The following GLRA1 variants were observed in gnomAD, a reference collection of about 807,000 sequenced individuals.
The protein encoded by GLRA1 is glycine receptor subunit alpha-1.
Under a neutral mutation model 48.3 loss-of-function variants are expected in GLRA1, and 37 were observed. The observed-to-expected ratio is 0.77, with a 90% CI of 0.59 to 1.01. The LOEUF (loss-of-function observed/expected upper bound fraction) is 1.01, where lower values mean the gene tolerates loss of function less well. Ranked by LOEUF, GLRA1 falls within the 50% of genes least tolerant of loss-of-function variation. GLRA1 has a pLI of 0.00. For synonymous variants in GLRA1, 196 were observed against 210.7 expected, an observed-to-expected ratio of 0.93 and a Z score of 0.60; for missense variants, 427 against 571.0, an observed-to-expected ratio of 0.75 and a Z score of 2.57.
chr5:151,895,399 A>C (rs1425017664), intron 1 of GLRA1, among the ~76,000 whole-genome samples: 1 of 152,208 alleles, frequency 6.6e-6, no homozygotes, highest in Non-Finnish European at 1.5e-5. Context: ...AGAATAGTGC[A>C]AAAGAGTGAA....
chr5:151,831,113 G>A (rs1331141717), intron 7 of GLRA1, among the ~76,000 whole-genome samples: 4 of 152,200 alleles, frequency 2.6e-5, no homozygotes, highest in African/African-American at 7.2e-5. Context: ...GGTGCACTCC[G>A]GCCCCAGATA....
chr5:151,836,206 A>G (rs796420786), intron 7 of GLRA1, among the ~76,000 whole-genome samples: 6 of 152,354 alleles, frequency 3.9e-5, no homozygotes, highest in African/African-American at 1.4e-4. Context: ...CCCATTCACA[A>G]CTGCTGCAAA....
chr5:151,880,528 A>G (rs956186647), intron 3 of GLRA1, among the ~76,000 whole-genome samples: 1 of 152,246 alleles, frequency 6.6e-6, no homozygotes, highest in Non-Finnish European at 1.5e-5. Flanking sequence ...TTGGCAAGAG[A>G]GGCTGGAACA....
chr5:151,850,653 G>A, intron 7 of GLRA1: 1 of 1,385,392 alleles, frequency 7.2e-7, no homozygotes, highest in Non-Finnish European at 1.0e-6. Context: ...CACATTCCCT[G>A]GACTGTTGGC....
intron 1 of GLRA1, among the ~76,000 whole-genome samples, chr5:151,900,363 T>G (rs1754333654): frequency 6.6e-6 from 1 of 152,234 alleles, no homozygotes; most frequent in Non-Finnish European, 1.5e-5. Flanking sequence ...TGATCAAATC[T>G]ATTTGCCCGA....
intron 3 of GLRA1, among the ~76,000 whole-genome samples, chr5:151,869,740 A>G (rs1267822640): frequency 1.3e-5 from 2 of 149,612 alleles, no homozygotes; most frequent in Non-Finnish European, 2.9e-5. Context: ...AAACAAAAAC[A>G]AAACAACAAC....
chr5:151,873,344 T>C (rs374276950), intron 3 of GLRA1, among the ~76,000 whole-genome samples: 3 of 149,318 alleles, frequency 2.0e-5, no homozygotes, highest in South Asian at 2.1e-4. Context: ...TTTAAGAAAT[T>C]TGTTTATTAA....
chr5:151,844,392 C>T (rs1343723410), intron 7 of GLRA1, among the ~76,000 whole-genome samples: 1 of 152,026 alleles, frequency 6.6e-6, no homozygotes, highest in Non-Finnish European at 1.5e-5. Flanking sequence ...GAGGCTGAGG[C>T]AGGCAGATTG....
At chr5:151,866,796 T>A (rs892369822) in intron 3 of GLRA1, among the ~76,000 whole-genome samples, 1 of 151,948 alleles carries the variant, frequency 6.6e-6, no homozygotes, top group African/African-American at 2.4e-5. Flanking sequence ...AAATTGAAAG[T>A]GAGAGGGTCA....
At chr5:151,846,277 G>A (rs1173011852) in intron 7 of GLRA1, among the ~76,000 whole-genome samples, 1 of 152,164 alleles carries the variant, frequency 6.6e-6, no homozygotes, top group Non-Finnish European at 1.5e-5. Flanking sequence ...AACATATGGA[G>A]CCAAATATTT....
chr5:151,828,434 GA>G (rs1340715420), intron 8 of GLRA1, among the ~76,000 whole-genome samples: 1 of 152,184 alleles, frequency 6.6e-6, no homozygotes, highest in African/African-American at 2.4e-5. Flanking sequence ...TATGGAGAGA[GA>G]ACCCACTCTG....
intron 6 of GLRA1, among the ~76,000 whole-genome samples, chr5:151,852,856 A>G (rs1314843814): frequency 6.6e-6 from 1 of 152,206 alleles, no homozygotes; most frequent in East Asian, 1.9e-4. Context: ...CTGGACCATG[A>G]TATATTTCTC....
chr5:151,833,602 T>A (rs1303249481), intron 7 of GLRA1, among the ~76,000 whole-genome samples: 1 of 152,124 alleles, frequency 6.6e-6, no homozygotes, highest in East Asian at 1.9e-4. Flanking sequence ...TAGCTGGGAT[T>A]ACAGGCATGC....
At chr5:151,851,122 A>G (rs888355654) in intron 7 of GLRA1, among the ~76,000 whole-genome samples, 22 of 152,208 alleles carry the variant, frequency 1.4e-4, no homozygotes, top group African/African-American at 5.3e-4. Context: ...TTAATAGTAA[A>G]TGAAGCAGAA....
chr5:151,866,623 A>G (rs938767339), intron 3 of GLRA1, among the ~76,000 whole-genome samples: 1 of 152,158 alleles, frequency 6.6e-6, no homozygotes, highest in Non-Finnish European at 1.5e-5. Context: ...CCAGCTCCCA[A>G]GGGGATATCT....
chr5:151,902,972 G>A (rs947943552), intron 1 of GLRA1, among the ~76,000 whole-genome samples: 1 of 152,122 alleles, frequency 6.6e-6, no homozygotes, highest in Non-Finnish European at 1.5e-5. Flanking sequence ...ACTAGTAGAG[G>A]AAAACTTATG....
intron 1 of GLRA1, among the ~76,000 whole-genome samples, chr5:151,912,907 G>A (rs1754652287): frequency 6.6e-6 from 1 of 152,182 alleles, no homozygotes; most frequent in South Asian, 2.1e-4. Context: ...CAACAGGAAA[G>A]CTAGAGGGAC....
In GLRA1 at chr5:151,892,403, G is replaced by A. The variant is rs200171902; in HGVS notation, c.92C>T (p.Ser31Phe). The A allele has an allele frequency of 4.3e-6, 7 of 1,614,098 alleles. No homozygotes were observed. In the Admixed American group the frequency reaches 5.0e-5, roughly 12 times the overall value. Residue 31 changes from serine (S) to phenylalanine (F), a missense_variant, in exon 2 of 9, where the codon TCC becomes TTC. Physicochemically the swap from Ser to Phe is radical, Grantham distance 155. Coordinates refer to ENST00000274576, the MANE Select transcript of GLRA1 (RefSeq NM_000171.4). ...CGAGGGTGACATAGGCTTGGGTGCGGAGCGAGCAGCTTCAGCCTCCTTAGA... is the reference window on the plus strand; with the variant it reads ...CGAGGGTGACATAGGCTTGGGTGCGAAGCGAGCAGCTTCAGCCTCCTTAGA... Reference protein sequence around the residue: ...AASKEAEAARSAPKPMSPSDF... With the variant: ...AASKEAEAARFAPKPMSPSDF...
At chr5:151,892,250 G>C in intron 2 of GLRA1, 61 bp downstream of exon 2, 2 of 1,525,884 alleles carry the variant, frequency 1.3e-6, no homozygotes, top group South Asian at 2.2e-5. Context: ...TTACCATGCT[G>C]CTTGCTGCTT....
Sources: allele counts gnomAD v4.1 joint callset (sites outside exome capture counted in the v4.1 genomes callset), GRCh38; gene constraint gnomAD v4.1.1; transcripts MANE v1.5; gene names NCBI Gene and HGNC (gene_info 2026-07-23, HGNC 2026-07-21).